Variants in SYNGR1 observed in about 807,000 individuals in gnomAD.
The protein encoded by SYNGR1 is synaptogyrin 1, also known as synaptogyrin-1.
A neutral mutation model predicts 26.1 loss-of-function variants in SYNGR1; 14 were observed. The ratio of observed to expected loss-of-function variants is 0.54; its 90% CI spans 0.35 to 0.84. SYNGR1 has a LOEUF of 0.84. Among genes scored for constraint, SYNGR1 ranks in the 40% least tolerant of loss-of-function variants. The pLI, the probability that SYNGR1 is intolerant of heterozygous loss-of-function variation, is 0.01. For synonymous variants in SYNGR1, 141 were observed against 150.1 expected (o/e 0.94, Z 0.44); for missense variants, 319 against 332.9 (o/e 0.96, Z 0.33).
intron 1 of SYNGR1, among the ~76,000 whole-genome samples, chr22:39,363,240 C>T (rs2145615767): frequency 6.6e-6 from 1 of 151,690 alleles, no homozygotes; most frequent in Non-Finnish European, 1.5e-5. Context: ...AAGGTCTTTA[C>T]CTGGGCAGGG....
At chr22:39,351,657 T>G (rs1923913801) in intron 1 of SYNGR1, among the ~76,000 whole-genome samples, 1 of 152,234 alleles carries the variant, frequency 6.6e-6, no homozygotes, top group South Asian at 2.1e-4. Context: ...ACTGGCTTTG[T>G]GAGGGGGCTT....
chr22:39,371,333 G>A (rs1196229231), intron 1 of SYNGR1, among the ~76,000 whole-genome samples: 12 of 151,890 alleles, frequency 7.9e-5, no homozygotes, highest in Admixed American at 4.6e-4. Flanking sequence ...AAAATTAGCC[G>A]GATGTGGTGG....
Position 39,385,048 on chromosome 22 carries a change from T to G in SYNGR1, c.*3134T>G, listed in dbSNP as rs1925616028. 2 of 398,794 alleles carry G rather than the reference T, an allele frequency of 5.0e-6. No homozygotes were observed. The highest frequency in any genetic ancestry group is 7.1e-5 in the East Asian group (2 of 28,218). 24.7% of individuals were successfully genotyped at this position (398,794 alleles called of 1,614,324 possible). ...CATCCTTCCCTGGTGATTCTTGATCTTCAAAGCCTCGGGGATCCCAGGTTT... is the reference window on the plus strand; with the variant it reads ...CATCCTTCCCTGGTGATTCTTGATCGTCAAAGCCTCGGGGATCCCAGGTTT... On this transcript the variant is annotated 3_prime_UTR_variant, in exon 4 of 4. Transcript: ENST00000328933.
chr22:39,363,448 G>T (rs1160314109), intron 1 of SYNGR1, among the ~76,000 whole-genome samples: 5 of 151,976 alleles, frequency 3.3e-5, no homozygotes, highest in Non-Finnish European at 7.4e-5. Context: ...TTGGGAGGAG[G>T]TTGAAGCAGC....
chr22:39,377,998 T>C (rs1430228884), intron 3 of SYNGR1: 1 of 1,226,754 alleles, frequency 8.2e-7, no homozygotes, highest in Non-Finnish European at 1.0e-6. Context: ...CACATCAATA[T>C]CTCTTCCAAA....
chr22:39,374,820 G>A (rs367778303), intron 2 of SYNGR1: 1 of 538,584 alleles, frequency 1.9e-6, no homozygotes, highest in African/African-American at 1.9e-5. Flanking sequence ...CCCATGGATG[G>A]CACTGGGCAT....
At chr22:39,372,051 C>T (rs78064649) in intron 1 of SYNGR1, among the ~76,000 whole-genome samples, 6,171 of 151,550 alleles carry the variant, frequency 0.041, 430 homozygotes, top group African/African-American at 0.14. Flanking sequence ...CAGGGTCTCT[C>T]ACAAGGCTAT....
At chr22:39,357,114 C>T (rs894083283) in intron 1 of SYNGR1, among the ~76,000 whole-genome samples, 8 of 152,168 alleles carry the variant, frequency 5.3e-5, no homozygotes, top group African/African-American at 1.7e-4. Flanking sequence ...ACAAATTAGC[C>T]GGGTGTGGTG....
chr22:39,357,893 G>T (rs1924242492), intron 1 of SYNGR1, among the ~76,000 whole-genome samples: 1 of 152,258 alleles, frequency 6.6e-6, no homozygotes, highest in Non-Finnish European at 1.5e-5. Flanking sequence ...CCACTCCATG[G>T]GCTCCTGTGC....
chr22:39,365,638 C>T (rs907217447), intron 1 of SYNGR1, among the ~76,000 whole-genome samples: 1 of 149,430 alleles, frequency 6.7e-6, no homozygotes, highest in Non-Finnish European at 1.5e-5. Context: ...CAGCTGACAG[C>T]CCTGCAGGGG....
At position 39,381,869 on chromosome 22, in the gene SYNGR1, C is replaced by A. The variant is rs1258313248; in HGVS notation, c.657C>A (p.Asn219Lys). Reference sequence around the variant, plus strand: ...GCGGCACCTACCAGCAGCCGGCCAACACCTTCGACACCGAGCCCCAGGGCT... The same window carrying A: ...GCGGCACCTACCAGCAGCCGGCCAAAACCTTCGACACCGAGCCCCAGGGCT... ...GMGGTYQQPA[N>K]TFDTEPQGYQ... is the part of the protein sequence containing the mutation. Residue 219 changes from asparagine (N) to lysine (K), a missense_variant, in exon 4 of 4, where the codon AAC (asparagine) becomes AAA (lysine). Transcript: ENST00000328933. The A allele has an allele frequency of 1.4e-5, 22 of 1,612,886 alleles. No homozygotes were observed. Among genetic ancestry groups the A allele is most frequent in the Non-Finnish European group, 1.9e-5 (22 of 1,179,874 alleles).
chr22:39,378,225 T>C lies in SYNGR1; in HGVS notation c.483+2028T>C, dbSNP rs922233663. The C allele has an allele frequency of 1.4e-5, 15 of 1,051,258 alleles. No individual in the cohort carries two copies. In the African/African-American group the frequency reaches 2.2e-4, roughly 15 times the overall value. The allele number at this position is 1,051,258 out of a possible 1,614,324, so 65.1% of individuals were successfully genotyped here. On this transcript the variant is annotated intron_variant, in intron 3 of 3. Transcript: ENST00000328933. ...TCTGTCCTCATGTGCTATGTGACCC[T>C]GACAAACCCGTGCACCTCTCTCAGC...
intron 3 of SYNGR1, among the ~76,000 whole-genome samples, chr22:39,379,057 C>T (rs892227960): frequency 6.6e-6 from 1 of 152,310 alleles, no homozygotes; most frequent in Non-Finnish European, 1.5e-5. Context: ...ACAGACATTG[C>T]TCTCAAGGTT....
chr22:39,358,947 G>A (rs373880138), intron 1 of SYNGR1, among the ~76,000 whole-genome samples: 4 of 152,258 alleles, frequency 2.6e-5, no homozygotes, highest in African/African-American at 4.8e-5. Flanking sequence ...GGGCGGCTGC[G>A]TAGCTGGGAC....
intron 1 of SYNGR1, among the ~76,000 whole-genome samples, chr22:39,367,410 A>C (rs970247800): frequency 2.6e-5 from 4 of 152,148 alleles, no homozygotes; most frequent in African/African-American, 9.7e-5. Context: ...GAAAACATGG[A>C]AAGGGGCCTG....
At chr22:39,371,006 A>G (rs5750806) in intron 1 of SYNGR1, among the ~76,000 whole-genome samples, 86,671 of 152,028 alleles carry the variant, frequency 0.57, 26,785 homozygotes, top group East Asian at 0.95. Context: ...GGTTTCATAT[A>G]TGCTACTACT....
Position 39,385,020 on chromosome 22 carries a change from CT to C in SYNGR1, c.*3107del. 2.5e-6 allele frequency: 1 copy of C among 398,904 alleles called. No individual in the cohort carries two copies. The allele number at this position is 398,904 out of a possible 1,614,324, so 24.7% of individuals were successfully genotyped here. ...CCAGGGGACTGACGTTAGTTCCCTA[CT>C]CCATCCTTCCCTGGTGATTCTTGAT... is the stretch of plus-strand genomic sequence containing the variant. On this transcript the variant is annotated 3_prime_UTR_variant, in exon 4 of 4. Coordinates refer to ENST00000328933, the MANE Select transcript of SYNGR1 (RefSeq NM_004711.5).
At chr22:39,377,797 GT>G in intron 3 of SYNGR1, 1 of 1,540,318 alleles carries the variant, frequency 6.5e-7, no homozygotes, top group African/African-American at 1.4e-5. Flanking sequence ...ATGCAGGGCA[GT>G]GGAAGGCTGG....
rs777416803 is a variant in SYNGR1, at chr22:39,365,988, C to CTT, written c.100-8302_100-8301dup. Among the ~76,000 whole-genome samples the CTT allele has an allele frequency of 4.7e-3, 319 of 68,368 alleles. 21 individuals are homozygous for CTT. The highest frequency in any genetic ancestry group is 0.015 in the African/African-American group (276 of 18,934). 44.9% of individuals were successfully genotyped at this position (68,368 alleles called of 152,430 possible). On this transcript the variant is annotated intron_variant, in intron 1 of 3. Coordinates refer to ENST00000328933, the MANE Select transcript of SYNGR1 (RefSeq NM_004711.5). Reference sequence around the variant, plus strand: ...CGTGAGCCACCGCGCTCAGCCCCTTCTTTTTTTTTTTTTTTTTTTTTTTTT... The same window carrying CTT: ...CGTGAGCCACCGCGCTCAGCCCCTTCTTTTTTTTTTTTTTTTTTTTTTTTTTT...
Sources: allele counts gnomAD v4.1 joint callset (sites outside exome capture counted in the v4.1 genomes callset), GRCh38; gene constraint gnomAD v4.1.1; transcripts MANE v1.5; gene names NCBI Gene and HGNC (gene_info 2026-07-23, HGNC 2026-07-21).